FUCA1: variants seen among roughly 807,000 people sequenced by gnomAD.
FUCA1 encodes alpha-L-fucosidase 1.
A neutral mutation model predicts 56.8 loss-of-function variants in FUCA1; 52 were observed. The observed-to-expected ratio is 0.92, with a 90% CI of 0.73 to 1.15. The LOEUF (loss-of-function observed/expected upper bound fraction) is 1.15. FUCA1 is among the 50% of genes most tolerant of loss of function. The pLI is 0.00. For missense variants in FUCA1, 568 were observed against 592.6 expected, an observed-to-expected ratio of 0.96 and a Z score of 0.43; for synonymous variants, 230 against 226.6, an observed-to-expected ratio of 1.02 and a Z score of -0.14.
chr1:23,851,002 C>T (rs1343481437), intron 5 of FUCA1, among the ~76,000 whole-genome samples: 2 of 152,002 alleles, frequency 1.3e-5, no homozygotes, highest in Non-Finnish European at 2.9e-5. Context: ...TGGTCTTGAA[C>T]TCCTGGCCTC....
rs1639604269 is a variant in FUCA1 at position 23,865,526 on chromosome 1, A to G, written c.489T>C (p.Asp163=). 3 of 1,614,120 alleles carry G rather than the reference A, an allele frequency of 1.9e-6. No individual in the cohort carries two copies. Among genetic ancestry groups the G allele is most frequent in the South Asian group, 2.2e-5 (2 of 91,086 alleles). ...WNSKDVGPHR[D]LVGELGTALR... is the part of the protein sequence containing the mutation. Reference sequence around the variant, plus strand: ...GAGCTGTTCCCAATTCACCAACCAAATCCCGATGAGGCCCCACGTCTTTGG... The same window carrying G: ...GAGCTGTTCCCAATTCACCAACCAAGTCCCGATGAGGCCCCACGTCTTTGG... Residue 163 remains aspartate (D), a synonymous_variant, in exon 2 of 8, where the codon GAT becomes GAC. Coordinates refer to ENST00000374479, the MANE Select transcript of FUCA1 (RefSeq NM_000147.5).
chr1:23,851,377 A>ACAC (rs769904056), intron 5 of FUCA1, among the ~76,000 whole-genome samples: 224 of 76,780 alleles, frequency 2.9e-3, no homozygotes, highest in Admixed American at 4.4e-3. Flanking sequence ...TAAATAAATA[A>ACAC]ATATACACAT....
intron 1 of FUCA1, among the ~76,000 whole-genome samples, chr1:23,866,296 A>T (rs1415971519): frequency 6.6e-6 from 1 of 152,254 alleles, no homozygotes; most frequent in Non-Finnish European, 1.5e-5. Flanking sequence ...TGGGCTACAG[A>T]GCAAAACTGT....
At chr1:23,858,920 G>T (rs541687167) in intron 4 of FUCA1, among the ~76,000 whole-genome samples, 15 of 152,024 alleles carry the variant, frequency 9.9e-5, no homozygotes, top group African/African-American at 3.4e-4. Flanking sequence ...GAGTAGCTGG[G>T]ACTACAGGTC....
chr1:23,850,905 G>A (rs1230114360), intron 5 of FUCA1, among the ~76,000 whole-genome samples: 2 of 151,992 alleles, frequency 1.3e-5, no homozygotes, highest in African/African-American at 4.8e-5. Context: ...AGTTACAAGT[G>A]TGAGCCACCA....
chr1:23,853,845 T>TA (rs1401596514), intron 5 of FUCA1, among the ~76,000 whole-genome samples: 1 of 151,924 alleles, frequency 6.6e-6, no homozygotes, highest in Non-Finnish European at 1.5e-5. Flanking sequence ...TGTGCTTTGT[T>TA]AAACAGATGC....
At chr1:23,866,193 T>C (rs1191812128) in intron 1 of FUCA1, among the ~76,000 whole-genome samples, 1 of 152,172 alleles carries the variant, frequency 6.6e-6, no homozygotes, top group African/African-American at 2.4e-5. Context: ...GTGCCTGTAG[T>C]CCCAGGTATT....
In FUCA1 at chr1:23,854,562, T is replaced by TTG; in HGVS notation, c.769-3_769-2insCA. 6.2e-7 allele frequency: 1 copy of TTG among 1,611,128 alleles called. No homozygotes were observed. The highest frequency in any genetic ancestry group is 8.5e-7 in the Non-Finnish European group (1 of 1,177,310). On this transcript the variant is annotated splice_region_variant and splice_polypyrimidine_tract_variant and intron_variant, in intron 4 of 7. Transcript: ENST00000374479. ...TCGGTCATTTACTACCACCTCATCC[T>TTG]AAGGAGGGAAAGAATATTTGGTCAT...
At chr1:23,849,992 A>G (rs562675341) in intron 5 of FUCA1, among the ~76,000 whole-genome samples, 1 of 152,210 alleles carries the variant, frequency 6.6e-6, no homozygotes, top group East Asian at 1.9e-4. Flanking sequence ...CTAAGGTTAT[A>G]TAGAGAAAAT....
At chr1:23,850,931 A>G (rs936047377) in intron 5 of FUCA1, among the ~76,000 whole-genome samples, 2 of 151,888 alleles carry the variant, frequency 1.3e-5, no homozygotes, top group Non-Finnish European at 2.9e-5. Context: ...CCCAGCCAAT[A>G]TGTAACTTTA....
chr1:23,857,220 G>A (rs895319792), intron 4 of FUCA1, among the ~76,000 whole-genome samples: 1 of 151,998 alleles, frequency 6.6e-6, no homozygotes, highest in Non-Finnish European at 1.5e-5. Context: ...ATACATAGAC[G>A]CCATTTCAGA....
rs1272252249 is a variant in FUCA1 at position 23,845,567 on chromosome 1, T to C, written c.*148A>G. On this transcript the variant is annotated 3_prime_UTR_variant, in exon 8 of 8. Coordinates refer to ENST00000374479, the MANE Select transcript of FUCA1 (RefSeq NM_000147.5). ...TTGGTCCATTTAGACATCAGGGTAA[T>C]GTACTCAGTTCCTTTAATTAAAATG... 4.6e-6 allele frequency: 4 copies of C among 867,204 alleles called. No individual in the cohort carries two copies. In the South Asian group the frequency reaches 5.8e-5, roughly 13 times the overall value. The allele number at this position is 867,204 out of a possible 1,614,324, so 53.7% of individuals were successfully genotyped here. A position where few individuals can be genotyped will look rare whatever the true frequency, so the allele number is the denominator to read the frequency against.
Position 23,867,971 on chromosome 1 carries a change from A to G in FUCA1, c.316T>C (p.Phe106Leu). 6.3e-7 allele frequency: 1 copy of G among 1,594,558 alleles called. No individual in the cohort carries two copies. The highest frequency in any genetic ancestry group is 1.1e-5 in the South Asian group (1 of 88,474). The change falls in exon 1 of 8, where the codon TTC becomes CTC. Residue 106 changes from phenylalanine to leucine, a missense_variant. Phe to Leu is a conservative substitution (Grantham distance 22). Transcript: ENST00000374479. The surrounding 1 kb of genome is among the most constrained non-coding windows in gnomAD (Gnocchi z 4.9). ...NYPPGFSYADFGPQFTARFFH... is the reference protein window; with the variant it reads ...NYPPGFSYADLGPQFTARFFH... ...AAGCGCGCAGTGAACTGCGGTCCGA[A>G]GTCGGCGTAGCTGAAGCCGGGCGGG...
At chr1:23,852,759 G>A (rs1244095363) in intron 5 of FUCA1, among the ~76,000 whole-genome samples, 2 of 152,218 alleles carry the variant, frequency 1.3e-5, no homozygotes, top group African/African-American at 4.8e-5. Flanking sequence ...ATTGCAGATG[G>A]AGTCTGGTTC....
chr1:23,846,619 T>C (rs1198322340), intron 6 of FUCA1, among the ~76,000 whole-genome samples: 1 of 150,636 alleles, frequency 6.6e-6, no homozygotes, highest in Non-Finnish European at 1.5e-5. Context: ...CAGGCTCTTG[T>C]TGTCCAGGAT....
rs776324076 is a variant in FUCA1, at chr1:23,863,239, A to T, written c.557T>A (p.Leu186Ter). 1 of 1,612,940 alleles carries T rather than the reference A, an allele frequency of 6.2e-7. No homozygotes were observed. Among genetic ancestry groups the T allele is most frequent in the Admixed American group, 1.7e-5 (1 of 60,022 alleles). Reference protein sequence around the residue: ...NIRYGLYHSLLEWFHPLYLLD... With the variant: ...NIRYGLYHSL The stretch of plus-strand genomic sequence containing the variant: ...TAGATAGAGTGGATGGAACCACTCT[A>T]AGAGTGAGTGGTATAGTCCATAGCG... The change falls in exon 3 of 8, where the codon TTA becomes TAA. Residue 186 changes from leucine (L) to a stop codon, truncating the protein, a stop_gained. Coordinates refer to ENST00000374479, the MANE Select transcript of FUCA1 (RefSeq NM_000147.5). LOFTEE classifies it high-confidence loss of function.
intron 5 of FUCA1, among the ~76,000 whole-genome samples, chr1:23,853,439 TG>T (rs1318606475): frequency 1.7e-4 from 23 of 138,402 alleles, no homozygotes; most frequent in African/African-American, 6.1e-4. Flanking sequence ...GGGAGGGAGG[TG>T]GGGGGGTCAG....
In FUCA1 at chr1:23,845,691, C is replaced by T; in HGVS notation, c.*24G>A. On this transcript the variant is annotated 3_prime_UTR_variant, in exon 8 of 8. Transcript: ENST00000374479. ...GAAGCAGGAAAACAGTGAGCAGCGCCTCTTTCTTCTTGCACTCAAATGATT... is the reference window on the plus strand; with the variant it reads ...GAAGCAGGAAAACAGTGAGCAGCGCTTCTTTCTTCTTGCACTCAAATGATT... 4.3e-6 allele frequency: 7 copies of T among 1,614,114 alleles called. No homozygotes were observed. The highest frequency in any genetic ancestry group is 5.9e-6 in the Non-Finnish European group (7 of 1,179,948).
intron 2 of FUCA1, among the ~76,000 whole-genome samples, chr1:23,864,171 C>G (rs1219046094): frequency 1.3e-5 from 2 of 149,168 alleles, no homozygotes; most frequent in African/African-American, 5.0e-5. Context: ...ACTGCAAGCT[C>G]TACCTCCCGG....
Sources: allele counts gnomAD v4.1 joint callset (sites outside exome capture counted in the v4.1 genomes callset), GRCh38; gene constraint gnomAD v4.1.1; non-coding constraint Gnocchi (gnomAD v3.1); transcripts MANE v1.5; gene names NCBI Gene and HGNC (gene_info 2026-07-23, HGNC 2026-07-21).